MYO3B: variants seen among roughly 807,000 people sequenced by gnomAD.
The protein encoded by MYO3B is myosin IIIB, also known as myosin-IIIb.
MYO3B carries 156 observed loss-of-function variants against 174.6 expected under a neutral mutation model. The ratio of observed to expected loss-of-function variants is 0.89; its 90% CI spans 0.78 to 1.02. The LOEUF (loss-of-function observed/expected upper bound fraction) is 1.02. Ranked by LOEUF, MYO3B falls within the 50% of genes least tolerant of loss-of-function variation. The pLI is 0.00. For synonymous variants in MYO3B, 563 were observed against 569.1 expected (o/e 0.99, Z 0.15); for missense variants, 1,632 against 1,639.4 (o/e 1.00, Z 0.08).
intron 7 of MYO3B, among the ~76,000 whole-genome samples, chr2:170,260,474 G>A (rs1327919639): frequency 6.6e-6 from 1 of 152,214 alleles, no homozygotes; most frequent in East Asian, 1.9e-4. Flanking sequence ...AATGCCATAT[G>A]TTATCACTTA....
intron 7 of MYO3B, among the ~76,000 whole-genome samples, 164 bp downstream of exon 7, chr2:170,236,300 G>C (rs1319455211): frequency 6.6e-6 from 1 of 152,150 alleles, no homozygotes; most frequent in Non-Finnish European, 1.5e-5. Flanking sequence ...GGACAGAGAA[G>C]AGGATGTTCC....
At chr2:170,614,001 T>G (rs1224082231) in intron 32 of MYO3B, among the ~76,000 whole-genome samples, 1 of 152,064 alleles carries the variant, frequency 6.6e-6, no homozygotes, top group Admixed American at 6.6e-5. Flanking sequence ...GAACCCTGAT[T>G]AATACAAGTC....
At chr2:170,202,681 T>A (rs1348376517) in intron 3 of MYO3B, among the ~76,000 whole-genome samples, 1 of 152,208 alleles carries the variant, frequency 6.6e-6, no homozygotes, top group African/African-American at 2.4e-5. Context: ...TCGTAGCACT[T>A]CCTGACCACA....
At chr2:170,198,488 TA>T (rs1468568360) in intron 1 of MYO3B, among the ~76,000 whole-genome samples, 1 of 152,188 alleles carries the variant, frequency 6.6e-6, no homozygotes, top group African/African-American at 2.4e-5. Flanking sequence ...AGAATTGGAC[TA>T]GAAGAAGAAA....
At chr2:170,455,746 G>A (rs1683869497) in intron 23 of MYO3B, among the ~76,000 whole-genome samples, 1 of 152,104 alleles carries the variant, frequency 6.6e-6, no homozygotes, top group Non-Finnish European at 1.5e-5. Context: ...AACACAATTT[G>A]TAAAACTTAC....
At chr2:170,548,607 C>T (rs1690690252) in intron 32 of MYO3B, among the ~76,000 whole-genome samples, 1 of 152,178 alleles carries the variant, frequency 6.6e-6, no homozygotes, top group African/African-American at 2.4e-5. Flanking sequence ...TAGACATCAT[C>T]AAGAAATGAG....
At chr2:170,218,279 A>T (rs2092852711) in intron 6 of MYO3B, among the ~76,000 whole-genome samples, 1 of 152,232 alleles carries the variant, frequency 6.6e-6, no homozygotes, top group African/African-American at 2.4e-5. Flanking sequence ...CCCATTTTAA[A>T]GAAAAAGAAA....
intron 7 of MYO3B, among the ~76,000 whole-genome samples, chr2:170,319,635 C>T (rs1382223610): frequency 6.6e-6 from 1 of 152,142 alleles, no homozygotes. Flanking sequence ...GAGGTCCAAA[C>T]ATTCCAAATT....
intron 32 of MYO3B, among the ~76,000 whole-genome samples, chr2:170,562,384 T>C (rs1162207887): frequency 6.6e-6 from 1 of 152,200 alleles, no homozygotes; most frequent in Admixed American, 6.5e-5. Flanking sequence ...GTTTTGGAGT[T>C]TTTACATTGT....
chr2:170,468,286 G>A (rs1684767183), intron 25 of MYO3B, among the ~76,000 whole-genome samples: 1 of 152,198 alleles, frequency 6.6e-6, no homozygotes, highest in African/African-American at 2.4e-5. Context: ...CAGGAAATAT[G>A]CAGACAGGAC....
chr2:170,240,324 C>T (rs1162258262), intron 7 of MYO3B, among the ~76,000 whole-genome samples: 1 of 152,120 alleles, frequency 6.6e-6, no homozygotes, highest in Non-Finnish European at 1.5e-5. Flanking sequence ...AAAATAATAG[C>T]TGCTAAGATC....
At chr2:170,300,334 T>C (rs1375948147) in intron 7 of MYO3B, among the ~76,000 whole-genome samples, 3 of 152,218 alleles carry the variant, frequency 2.0e-5, no homozygotes, top group African/African-American at 4.8e-5. Context: ...GTTCATATGC[T>C]TGTGTGTTTA....
intron 22 of MYO3B, among the ~76,000 whole-genome samples, chr2:170,423,355 G>A (rs1244940646): frequency 6.6e-6 from 1 of 152,048 alleles, no homozygotes; most frequent in African/African-American, 2.4e-5. Flanking sequence ...CGCTGCATCG[G>A]CCACAGAAGT....
chr2:170,647,314 T>C (rs1403242807), intron 32 of MYO3B, among the ~76,000 whole-genome samples: 1 of 152,212 alleles, frequency 6.6e-6, no homozygotes, highest in Non-Finnish European at 1.5e-5. Flanking sequence ...GACTTTGTCT[T>C]ATTTCTCTTC....
intron 8 of MYO3B, among the ~76,000 whole-genome samples, chr2:170,346,811 G>A (rs2094019932): frequency 1.3e-5 from 2 of 152,170 alleles, no homozygotes; most frequent in South Asian, 4.1e-4. Flanking sequence ...GTGTCATCTT[G>A]CATCCCAGCA....
chr2:170,521,279 G>C (rs1272398444), intron 30 of MYO3B, among the ~76,000 whole-genome samples: 1 of 152,084 alleles, frequency 6.6e-6, no homozygotes, highest in South Asian at 2.1e-4. Flanking sequence ...GGGCACTTTA[G>C]GAAAAGACCT....
At chr2:170,599,199 C>T (rs1694335571) in intron 32 of MYO3B, among the ~76,000 whole-genome samples, 1 of 152,210 alleles carries the variant, frequency 6.6e-6, no homozygotes, top group African/African-American at 2.4e-5. Context: ...CTCTGTACCA[C>T]CCAGTAGTAA....
At chr2:170,422,977 CTTT>C (rs34882424) in intron 22 of MYO3B, among the ~76,000 whole-genome samples, 14 of 88,504 alleles carry the variant, frequency 1.6e-4, no homozygotes, top group South Asian at 4.2e-4. Flanking sequence ...TTCTTTCTTT[CTTT>C]TTTTTTTTTT....
intron 1 of MYO3B, among the ~76,000 whole-genome samples, chr2:170,191,922 C>T (rs1172778659): frequency 1.3e-5 from 2 of 152,136 alleles, no homozygotes; most frequent in Admixed American, 1.3e-4. Context: ...CTGCCTGTAA[C>T]TCGAGATTCT....
Sources: allele counts gnomAD v4.1 joint callset (sites outside exome capture counted in the v4.1 genomes callset), GRCh38; gene constraint gnomAD v4.1.1; transcripts MANE v1.5; gene names NCBI Gene and HGNC (gene_info 2026-07-23, HGNC 2026-07-21).